Variants in PKD1L1 observed in about 807,000 individuals in gnomAD.
PKD1L1 encodes polycystin-1-like protein 1.
In PKD1L1, 236 loss-of-function variants were observed where a neutral mutation model predicts 323.4. That is an observed-to-expected ratio of 0.73 (90% CI 0.66 to 0.81). PKD1L1 has a LOEUF of 0.81. Among genes scored for constraint, PKD1L1 ranks in the 40% least tolerant of loss-of-function variants. The probability of loss-of-function intolerance (pLI) is 0.00; values close to 1 mark genes in which losing one functional copy is unlikely to be tolerated. For synonymous variants in PKD1L1, 1,344 were observed against 1,335.0 expected, an observed-to-expected ratio of 1.01 and a Z score of -0.15; for missense variants, 3,320 against 3,508.0, an observed-to-expected ratio of 0.95 and a Z score of 1.35.
rs991246616 is a variant in PKD1L1 at position 47,867,224 on chromosome 7, A to C, written c.3897-610T>G. Among the ~76,000 whole-genome samples the C allele has an allele frequency of 4.6e-5, 7 of 152,304 alleles. No homozygotes were observed. The East Asian group carries it at 1.2e-3, about 25-fold the overall frequency. Reference sequence around the variant, plus strand: ...GTAAATTAATTAGAAATCATGTTCTAATTGATTAGAAAATGCATCATGGGC... The same window carrying C: ...GTAAATTAATTAGAAATCATGTTCTCATTGATTAGAAAATGCATCATGGGC... On this transcript the variant is annotated intron_variant, in intron 24 of 56. Coordinates refer to ENST00000289672, the MANE Select transcript of PKD1L1 (RefSeq NM_138295.5).
At chr7:47,934,773 G>A (rs1036354345) in intron 4 of PKD1L1, among the ~76,000 whole-genome samples, 6 of 152,144 alleles carry the variant, frequency 3.9e-5, no homozygotes, top group South Asian at 4.1e-4. Context: ...GGGGGATTGC[G>A]CTCAGGCCTC....
At chr7:47,811,444 C>T (rs777814806) in intron 50 of PKD1L1, among the ~76,000 whole-genome samples, 18 of 152,126 alleles carry the variant, frequency 1.2e-4, no homozygotes, top group African/African-American at 2.2e-4. Flanking sequence ...CATAAGCCAC[C>T]GCGCCTGGCC....
intron 55 of PKD1L1, among the ~76,000 whole-genome samples, chr7:47,794,547 A>C (rs977801588): frequency 1.3e-5 from 2 of 152,240 alleles, no homozygotes; most frequent in Non-Finnish European, 1.5e-5. Context: ...ATACCCAGGC[A>C]AAAGTTTTCT....
chr7:47,854,117 A>G (rs1375281536), intron 30 of PKD1L1, among the ~76,000 whole-genome samples: 1 of 152,224 alleles, frequency 6.6e-6, no homozygotes, highest in Admixed American at 6.5e-5. Flanking sequence ...TGCTTAGCTC[A>G]TTTGGCAGAA....
intron 52 of PKD1L1, among the ~76,000 whole-genome samples, chr7:47,807,728 C>G (rs1416259785): frequency 6.6e-6 from 1 of 152,114 alleles, no homozygotes; most frequent in African/African-American, 2.4e-5. Context: ...GGTAGGAGCC[C>G]CCATCCCTGT....
At chr7:47,783,291 C>G (rs1786736062) in intron 56 of PKD1L1, among the ~76,000 whole-genome samples, 1 of 151,974 alleles carries the variant, frequency 6.6e-6, no homozygotes, top group South Asian at 2.1e-4. Context: ...CATGTACTAA[C>G]ATACAAACAT....
rs112361441 is a variant in PKD1L1 at position 47,931,907 on chromosome 7, A to C, written c.519+29T>G. On this transcript the variant is annotated intron_variant, in intron 5 of 56. Transcript: ENST00000289672. ...GATGCTCACCAGCAGCTTTCTGATG[A>C]AATTCAATTGCAGGGGTTAGATACC... 1.8e-5 allele frequency: 29 copies of C among 1,591,690 alleles called. 1 individual carries two copies. The African/African-American group carries it at 3.0e-4, about 16-fold the overall frequency.
chr7:47,795,477 T>G (rs1344723508), intron 55 of PKD1L1: 2 of 416,908 alleles, frequency 4.8e-6, no homozygotes, highest in Admixed American at 2.7e-5. Context: ...TGTTCCCAGT[T>G]TTGGGTATGT....
intron 45 of PKD1L1, 78 bp from the exon 46 acceptor site, chr7:47,821,264 T>A: frequency 1.6e-6 from 1 of 617,792 alleles, no homozygotes. Flanking sequence ...TGCAAAAGAT[T>A]TATTATTATT....
At chr7:47,871,863 A>C (rs893681266) in intron 24 of PKD1L1, among the ~76,000 whole-genome samples, 8 of 151,446 alleles carry the variant, frequency 5.3e-5, no homozygotes, top group Non-Finnish European at 7.3e-5. Flanking sequence ...TAAAACTGAG[A>C]AGAAGACCAG....
chr7:47,809,840 G>C (rs1248888288), intron 50 of PKD1L1: 1 of 329,360 alleles, frequency 3.0e-6, no homozygotes, highest in East Asian at 5.3e-5. Flanking sequence ...CTCAGGGAAA[G>C]CACGGAGTAT....
At chr7:47,948,313 A>C in intron 1 of PKD1L1, 84 bp downstream of exon 1, 1 of 1,495,158 alleles carries the variant, frequency 6.7e-7, no homozygotes, top group South Asian at 1.1e-5. Context: ...CACATCCTAG[A>C]GGTGATGACT....
chr7:47,885,658 G>C lies in PKD1L1; in HGVS notation c.3205+28C>G, dbSNP rs763060865. 1.9e-6 allele frequency: 3 copies of C among 1,589,594 alleles called. No homozygotes were observed. In the South Asian group the frequency reaches 3.4e-5, roughly 18 times the overall value. Reference sequence around the variant, plus strand: ...GTAACTTTGGTGCCTAGACAAGAGGGATGACATGCAGGAACAGTGGCACTT... The same window carrying C: ...GTAACTTTGGTGCCTAGACAAGAGGCATGACATGCAGGAACAGTGGCACTT... On this transcript the variant is annotated intron_variant, in intron 18 of 56. Coordinates refer to ENST00000289672, the MANE Select transcript of PKD1L1 (RefSeq NM_138295.5).
rs145305224 is a variant in PKD1L1 at position 47,825,093 on chromosome 7, C to G, written c.6854+2257G>C. On this transcript the variant is annotated intron_variant, in intron 45 of 56. Transcript: ENST00000289672. ...GCTCTATTTGACATAGCCTCACTAACAGAGTATGTGGTCACATTTTTGGAT... is the reference window on the plus strand; with the variant it reads ...GCTCTATTTGACATAGCCTCACTAAGAGAGTATGTGGTCACATTTTTGGAT... Among the ~76,000 whole-genome samples, 246 of 152,300 alleles carry G rather than the reference C, an allele frequency of 1.6e-3. 3 individuals are homozygous for G. Among genetic ancestry groups the G allele is most frequent in the African/African-American group, 5.8e-3 (241 of 41,574 alleles).
chr7:47,936,273 C>T (rs992204879), intron 4 of PKD1L1, among the ~76,000 whole-genome samples: 12 of 152,100 alleles, frequency 7.9e-5, no homozygotes, highest in Non-Finnish European at 1.0e-4. Flanking sequence ...ATTTTTAGGA[C>T]TTACCCATCC....
At chr7:47,859,627 A>ATTTTT (rs34815905) in intron 26 of PKD1L1, among the ~76,000 whole-genome samples, 1 of 123,634 alleles carries the variant, frequency 8.1e-6, no homozygotes, top group African/African-American at 3.1e-5. Context: ...AAAGACATAC[A>ATTTTT]TTTTTTTTTT....
rs71006535 is a variant in PKD1L1 at position 47,946,394 on chromosome 7, CCA to C, written c.44+2001_44+2002del. On this transcript the variant is annotated intron_variant, in intron 1 of 56. Coordinates refer to ENST00000289672, the MANE Select transcript of PKD1L1 (RefSeq NM_138295.5). This position sits in a 1 kb window ranked among gnomAD's most constrained non-coding sequence, Gnocchi z 4.1. Reference sequence around the variant, plus strand: ...ACACTCACACCACACCACACTCACACCACACAAACACACCACACAGCATCACA... The same window carrying C: ...ACACTCACACCACACCACACTCACACCACAAACACACCACACAGCATCACA... Among the ~76,000 whole-genome samples, 1 of 150,960 alleles carries C rather than the reference CCA, an allele frequency of 6.6e-6. No homozygotes were observed. Among genetic ancestry groups the C allele is most frequent in the Non-Finnish European group, 1.5e-5 (1 of 67,702 alleles).
chr7:47,937,253 T>TGGGGGGG (rs1787886392), intron 3 of PKD1L1, among the ~76,000 whole-genome samples: 1 of 2,468 alleles, frequency 4.1e-4, no homozygotes, highest in African/African-American at 1.2e-3. Context: ...CGGGACGGGG[T>TGGGGGGG]GGGGGTGGGG....
chr7:47,931,482 C>T lies in PKD1L1; in HGVS notation c.520-161G>A, dbSNP rs1232096154. ...ACCACAAATTGGCCCCGTGCATTGGCGCTATGTTGTGAGTGGTAGGATTCA... is the reference window on the plus strand; with the variant it reads ...ACCACAAATTGGCCCCGTGCATTGGTGCTATGTTGTGAGTGGTAGGATTCA... On this transcript the variant is annotated intron_variant, in intron 5 of 56. Transcript: ENST00000289672. Among the ~76,000 whole-genome samples, 5 of 152,328 alleles carry T rather than the reference C, an allele frequency of 3.3e-5. No individual in the cohort carries two copies. In the East Asian group the frequency reaches 7.7e-4, roughly 23 times the overall value.
Sources: gnomAD v4.1 joint callset for allele counts (sites outside exome capture counted in the v4.1 genomes callset) on GRCh38, gnomAD v4.1.1 for gene constraint, Gnocchi (gnomAD v3.1) non-coding constraint, MANE v1.5 for transcripts, NCBI Gene and HGNC (gene_info 2026-07-23, HGNC 2026-07-21) for gene names.